Variants in CASQ2 observed in about 807,000 individuals in gnomAD.
CASQ2 encodes calsequestrin 2.
In CASQ2, 49 loss-of-function variants were observed where a neutral mutation model predicts 46.5. The observed-to-expected ratio is 1.05, with a 90% CI of 0.84 to 1.34. CASQ2 has a LOEUF of 1.34. Among genes scored for constraint, CASQ2 ranks in the 40% most tolerant of loss-of-function variants. CASQ2 has a pLI of 0.00. For synonymous variants in CASQ2, 174 were observed against 168.5 expected (o/e 1.03, Z -0.25); for missense variants, 486 against 481.3 (o/e 1.01, Z -0.09).
chr1:115,754,273 G>A (rs1181464301), intron 1 of CASQ2, among the ~76,000 whole-genome samples: 1 of 152,168 alleles, frequency 6.6e-6, no homozygotes, highest in Non-Finnish European at 1.5e-5. Context: ...CCTCTTTAGG[G>A]CTGGAATAGG....
intron 3 of CASQ2, among the ~76,000 whole-genome samples, chr1:115,739,124 C>CTTTTTTTTTTTTTTTT (rs1299140156): frequency 2.0e-5 from 2 of 99,520 alleles, no homozygotes; most frequent in African/African-American, 2.9e-5. Context: ...TCTTTTCTTT[C>CTTTTTTTTTTTTTTTT]TTTTTGAGAT....
intron 2 of CASQ2, among the ~76,000 whole-genome samples, chr1:115,743,989 A>AT (rs1314475074): frequency 4.6e-5 from 7 of 151,744 alleles, no homozygotes; most frequent in Non-Finnish European, 7.4e-5. Context: ...ATACAAAAAA[A>AT]AAAAATGAAC....
At chr1:115,753,089 A>T (rs1296817633) in intron 1 of CASQ2, among the ~76,000 whole-genome samples, 1 of 152,226 alleles carries the variant, frequency 6.6e-6, no homozygotes, top group African/African-American at 2.4e-5. Context: ...GGAGGGCATG[A>T]CAGAACTGGG....
At chr1:115,739,301 G>A (rs1472105119) in intron 3 of CASQ2, among the ~76,000 whole-genome samples, 21 of 150,708 alleles carry the variant, frequency 1.4e-4, no homozygotes, top group South Asian at 2.1e-4. Context: ...ATTTTTAGTA[G>A]AGATGGGGTT....
At chr1:115,738,368 A>G (rs369173647) in intron 3 of CASQ2, 33 bp from the exon 4 acceptor site, 51 of 1,305,466 alleles carry the variant, frequency 3.9e-5, no homozygotes, top group Non-Finnish European at 5.6e-5. Flanking sequence ...ACACATGTTC[A>G]AACAAGAGAT....
chr1:115,719,961 A>G (rs1208280145), intron 7 of CASQ2, among the ~76,000 whole-genome samples: 2 of 152,236 alleles, frequency 1.3e-5, no homozygotes, highest in African/African-American at 4.8e-5. Context: ...TAAAGTGGCA[A>G]CAATATCTGC....
rs727502908 is a variant in CASQ2 at position 115,740,772 on chromosome 1, C to G, written c.376G>C (p.Asp126His). The change falls in exon 3 of 11, where the codon GAT (aspartate) becomes CAT (histidine). Residue 126 changes from aspartate (D) to histidine (H), a missense_variant. Coordinates refer to ENST00000261448, the MANE Select transcript of CASQ2 (RefSeq NM_001232.4). ...AAGACATCAGCTGCAAACTCGCCAT[C>G]AAACTCTATTGTGCGATCACCCTTA... Reference protein sequence around the residue: ...ILKGDRTIEFDGEFAADVLVE... With the variant: ...ILKGDRTIEFHGEFAADVLVE... 34 of 1,613,720 alleles carry G rather than the reference C, an allele frequency of 2.1e-5. No individual in the cohort carries two copies. The highest frequency in any genetic ancestry group is 2.8e-5 in the Non-Finnish European group (33 of 1,179,822).
intron 7 of CASQ2, 82 bp downstream of exon 7, chr1:115,725,426 T>C: frequency 6.6e-7 from 1 of 1,513,780 alleles, no homozygotes; most frequent in Non-Finnish European, 9.1e-7. Context: ...TTGGTTTGAG[T>C]TTGGGGACTT....
At chr1:115,757,723 AT>A (rs1485053888) in intron 1 of CASQ2, among the ~76,000 whole-genome samples, 1 of 152,164 alleles carries the variant, frequency 6.6e-6, no homozygotes, top group Non-Finnish European at 1.5e-5. Context: ...CTTAAAAAAA[AT>A]CAATTTTACC....
At chr1:115,741,142 A>G (rs1648162252) in intron 2 of CASQ2, among the ~76,000 whole-genome samples, 1 of 152,216 alleles carries the variant, frequency 6.6e-6, no homozygotes, top group African/African-American at 2.4e-5. Flanking sequence ...AAAGAATTGT[A>G]ATGGCCACTG....
intron 5 of CASQ2, among the ~76,000 whole-genome samples, chr1:115,731,144 C>A (rs1368520869): frequency 1.3e-5 from 2 of 152,220 alleles, no homozygotes; most frequent in Non-Finnish European, 2.9e-5. Context: ...AACACTGGCA[C>A]TTATGACTCA....
chr1:115,724,949 T>C (rs1647525183), intron 7 of CASQ2, among the ~76,000 whole-genome samples: 1 of 152,236 alleles, frequency 6.6e-6, no homozygotes, highest in Non-Finnish European at 1.5e-5. Context: ...GAAGCTATAG[T>C]CACTGCAGGA....
intron 5 of CASQ2, among the ~76,000 whole-genome samples, chr1:115,728,827 C>T (rs1647683337): frequency 6.6e-6 from 1 of 152,084 alleles, no homozygotes; most frequent in African/African-American, 2.4e-5. Context: ...AGAAGTCAAA[C>T]CCGCCTGGTG....
intron 1 of CASQ2, among the ~76,000 whole-genome samples, chr1:115,758,614 A>G (rs902487809): frequency 6.6e-6 from 1 of 152,116 alleles, no homozygotes; most frequent in Non-Finnish European, 1.5e-5. Flanking sequence ...TTATGAATAG[A>G]TTAATGTCCT....
chr1:115,726,961 GCC>G, intron 6 of CASQ2, 29 bp downstream of exon 6: 1 of 1,358,416 alleles, frequency 7.4e-7, no homozygotes, highest in Non-Finnish European at 1.0e-6. Flanking sequence ...CAGACCCCAG[GCC>G]CCCAGCCCCC....
chr1:115,751,946 A>C (rs1259281870), intron 1 of CASQ2, among the ~76,000 whole-genome samples: 1 of 152,186 alleles, frequency 6.6e-6, no homozygotes, highest in East Asian at 1.9e-4. Context: ...TCCGCAAAAC[A>C]TCAAGCTTAT....
intron 8 of CASQ2, among the ~76,000 whole-genome samples, chr1:115,712,486 T>C (rs1457119946): frequency 2.0e-5 from 3 of 152,182 alleles, no homozygotes; most frequent in Non-Finnish European, 4.4e-5. Flanking sequence ...CCATGTGAGC[T>C]GGGGACATTA....
At chr1:115,733,555 A>C (rs991105371) in intron 4 of CASQ2, among the ~76,000 whole-genome samples, 4 of 152,118 alleles carry the variant, frequency 2.6e-5, no homozygotes, top group African/African-American at 9.7e-5. Flanking sequence ...CTTAAACTTA[A>C]TCAAGCTCTT....
At chr1:115,757,981 G>T (rs9428222) in intron 1 of CASQ2, among the ~76,000 whole-genome samples, 1 of 151,968 alleles carries the variant, frequency 6.6e-6, no homozygotes, top group African/African-American at 2.4e-5. Flanking sequence ...CCATTGGCTC[G>T]CATTAGTCAT....
Sources: allele counts gnomAD v4.1 joint callset (sites outside exome capture counted in the v4.1 genomes callset), GRCh38; gene constraint gnomAD v4.1.1; transcripts MANE v1.5; gene names NCBI Gene and HGNC (gene_info 2026-07-23, HGNC 2026-07-21).